MDFIC: variants seen among roughly 807,000 people sequenced by gnomAD.
MDFIC encodes the protein myoD family inhibitor domain-containing protein.
A neutral mutation model predicts 23.2 loss-of-function variants in MDFIC; 17 were observed. The ratio of observed to expected loss-of-function variants is 0.73; its 90% CI spans 0.50 to 1.10. MDFIC has a LOEUF of 1.10. MDFIC is among the 50% of genes least tolerant of loss of function. The probability of loss-of-function intolerance (pLI) is 0.00; values close to 1 mark genes in which losing one functional copy is unlikely to be tolerated. For missense variants in MDFIC, 356 were observed against 316.6 expected, an observed-to-expected ratio of 1.12 and a Z score of -0.95; for synonymous variants, 120 against 115.2, an observed-to-expected ratio of 1.04 and a Z score of -0.27.
At chr7:114,994,402 C>A (rs576517240) in intron 4 of MDFIC, among the ~76,000 whole-genome samples, 1 of 152,238 alleles carries the variant, frequency 6.6e-6, no homozygotes, top group South Asian at 2.1e-4. Context: ...ATGACATTAG[C>A]TGGTTATTTT....
rs773989852 is a variant in MDFIC, at chr7:114,922,479, C to T, written c.-265C>T. ...CCGCCACTGCGGCGTCTGGGCTGAG[C>T]CGGAGGGAGGCGGGAGGACGCGCAG... On this transcript the variant is annotated 5_prime_UTR_variant, in exon 1 of 5. Coordinates refer to ENST00000393486, the MANE Select transcript of MDFIC (RefSeq NM_001166345.3). The T allele has an allele frequency of 3.2e-6, 4 of 1,252,846 alleles. No homozygotes were observed. Among genetic ancestry groups the T allele is most frequent in the Admixed American group, 4.2e-5 (1 of 23,806 alleles). The allele number at this position is 1,252,846 out of a possible 1,614,324, so 77.6% of individuals were successfully genotyped here.
chr7:114,926,906 C>T (rs1479149115), intron 2 of MDFIC, among the ~76,000 whole-genome samples: 1 of 152,176 alleles, frequency 6.6e-6, no homozygotes, highest in African/African-American at 2.4e-5. Flanking sequence ...TGGCATTTCA[C>T]AAAATGTGTC....
chr7:115,016,972 A>G lies in MDFIC; in HGVS notation c.*1037A>G, dbSNP rs1042231634. Reference sequence around the variant, plus strand: ...AATAAACTCAAAATGCTGTTGGAATATGCAGAGAATTGCTACCAGAATATT... The same window carrying G: ...AATAAACTCAAAATGCTGTTGGAATGTGCAGAGAATTGCTACCAGAATATT... On this transcript the variant is annotated 3_prime_UTR_variant, in exon 5 of 5. Transcript: ENST00000393486. 6.6e-6 allele frequency: 1 copy of G among 152,264 alleles called. No individual in the cohort carries two copies. Among genetic ancestry groups the G allele is most frequent in the Non-Finnish European group, 1.5e-5 (1 of 68,046 alleles). The allele number at this position is 152,264 out of a possible 1,614,324, so 9.4% of individuals were successfully genotyped here.
intron 2 of MDFIC, among the ~76,000 whole-genome samples, chr7:114,941,106 T>G (rs1487064368): frequency 2.0e-5 from 3 of 152,196 alleles, no homozygotes; most frequent in African/African-American, 7.2e-5. Context: ...CAGAAATATG[T>G]TTTTTGTTTG....
At chr7:115,007,448 C>G (rs1302327802) in intron 4 of MDFIC, among the ~76,000 whole-genome samples, 2 of 151,622 alleles carry the variant, frequency 1.3e-5, no homozygotes, top group Non-Finnish European at 2.9e-5. Flanking sequence ...TTATTTGCAC[C>G]ATTGATATTT....
In MDFIC at chr7:115,014,391, C is replaced by T. The variant is rs566063938; in HGVS notation, c.494-1297C>T. On this transcript the variant is annotated intron_variant, in intron 4 of 4. Coordinates refer to ENST00000393486, the MANE Select transcript of MDFIC (RefSeq NM_001166345.3). ...AGTTATATGGCATTCTATAGAGAAG[C>T]GCATGATTTTTTATTATAGCATGGC... 219 of 1,288,466 alleles carry T rather than the reference C, an allele frequency of 1.7e-4. No individual in the cohort carries two copies. The African/African-American group carries it at 2.3e-3, about 14-fold the overall frequency. The allele number at this position is 1,288,466 out of a possible 1,614,324, so 79.8% of individuals were successfully genotyped here. A position where few individuals can be genotyped will look rare whatever the true frequency, so the allele number is the denominator to read the frequency against.
intron 3 of MDFIC, among the ~76,000 whole-genome samples, chr7:114,977,006 T>G (rs1793329339): frequency 6.6e-6 from 1 of 152,158 alleles, no homozygotes; most frequent in Admixed American, 6.5e-5. Flanking sequence ...TCTTATGTAA[T>G]TTACATTTCA....
chr7:114,938,864 T>G (rs969938432), intron 2 of MDFIC, among the ~76,000 whole-genome samples: 5 of 152,200 alleles, frequency 3.3e-5, no homozygotes, highest in African/African-American at 9.7e-5. Flanking sequence ...AAACCAGGGC[T>G]GAGTTCTTTG....
chr7:114,944,586 A>C (rs768566747), intron 3 of MDFIC, among the ~76,000 whole-genome samples: 1 of 151,920 alleles, frequency 6.6e-6, no homozygotes, highest in African/African-American at 2.4e-5. Context: ...TGCTATTCCA[A>C]CTCCTTTGAT....
intron 3 of MDFIC, among the ~76,000 whole-genome samples, chr7:114,942,891 A>G (rs943597568): frequency 1.5e-4 from 23 of 152,190 alleles, no homozygotes; most frequent in Admixed American, 3.9e-4. Flanking sequence ...TTTTCATGTT[A>G]TTCTTTGAAT....
rs746748972 is a variant in MDFIC at position 115,015,774 on chromosome 7, A to G, written c.580A>G (p.Ile194Val). ...NIVLGQASCGICTSEACCCCC... is the reference protein window; with the variant it reads ...NIVLGQASCGVCTSEACCCCC... Reference sequence around the variant, plus strand: ...TGTCCTGGGACAAGCGTCATGTGGCATCTGCACCTCAGAAGCCTGCTGCTG... The same window carrying G: ...TGTCCTGGGACAAGCGTCATGTGGCGTCTGCACCTCAGAAGCCTGCTGCTG... The change falls in exon 5 of 5, where the codon ATC becomes GTC. Residue 194 changes from isoleucine (I) to valine (V), a missense_variant. Transcript: ENST00000393486. The G allele has an allele frequency of 1.2e-5, 19 of 1,614,218 alleles. No homozygotes were observed. The South Asian group carries it at 1.4e-4, about 12-fold the overall frequency.
At chr7:114,953,905 T>A (rs185453491) in intron 3 of MDFIC, among the ~76,000 whole-genome samples, 1 of 152,200 alleles carries the variant, frequency 6.6e-6, no homozygotes, top group Non-Finnish European at 1.5e-5. Context: ...AGTTTGCACA[T>A]GGTCCAGAAG....
At chr7:114,951,163 G>A (rs377140220) in intron 3 of MDFIC, among the ~76,000 whole-genome samples, 140 of 152,280 alleles carry the variant, frequency 9.2e-4, no homozygotes, top group African/African-American at 3.1e-3. Flanking sequence ...TCCAGCATGG[G>A]TGACAGAGGG....
intron 2 of MDFIC, among the ~76,000 whole-genome samples, chr7:114,935,632 T>A (rs570107626): frequency 2.0e-5 from 3 of 152,002 alleles, no homozygotes; most frequent in African/African-American, 7.2e-5. Flanking sequence ...TAAAACAGAA[T>A]AATGGTAAAT....
chr7:115,011,466 T>G (rs1363815507), intron 4 of MDFIC, among the ~76,000 whole-genome samples: 1 of 152,224 alleles, frequency 6.6e-6, no homozygotes, highest in Non-Finnish European at 1.5e-5. Context: ...GCTCCCATTC[T>G]AGTAAAGCAA....
intron 3 of MDFIC, among the ~76,000 whole-genome samples, chr7:114,953,867 A>G (rs911362364): frequency 8.5e-5 from 13 of 152,178 alleles, no homozygotes; most frequent in Non-Finnish European, 1.8e-4. Context: ...GTTATACTAT[A>G]TTGTCTAGGG....
At chr7:114,956,971 C>G (rs1412447240) in intron 3 of MDFIC, among the ~76,000 whole-genome samples, 2 of 152,148 alleles carry the variant, frequency 1.3e-5, no homozygotes, top group Non-Finnish European at 2.9e-5. Context: ...GGCTCCTTGG[C>G]TTAACCCTTA....
intron 4 of MDFIC, among the ~76,000 whole-genome samples, chr7:115,011,884 T>C (rs954521433): frequency 3.3e-5 from 5 of 152,252 alleles, no homozygotes; most frequent in African/African-American, 1.2e-4. Flanking sequence ...TCCGCCTTTC[T>C]GTCATCAGCA....
At chr7:114,957,429 T>C (rs551975322) in intron 3 of MDFIC, among the ~76,000 whole-genome samples, 8 of 152,306 alleles carry the variant, frequency 5.3e-5, no homozygotes, top group Non-Finnish European at 1.0e-4. Context: ...TCCTTAACTA[T>C]TATAGCTAGA....
Sources: gnomAD v4.1 joint callset for allele counts (sites outside exome capture counted in the v4.1 genomes callset) on GRCh38, gnomAD v4.1.1 for gene constraint, MANE v1.5 for transcripts, NCBI Gene and HGNC (gene_info 2026-07-23, HGNC 2026-07-21) for gene names.